The following PACRG variants were observed in gnomAD, a reference collection of about 807,000 sequenced individuals.
The protein encoded by PACRG is parkin coregulated gene protein.
PACRG carries 29 observed loss-of-function variants against 29.7 expected under a neutral mutation model. That is an observed-to-expected ratio of 0.98 (90% CI 0.73 to 1.33). The LOEUF (loss-of-function observed/expected upper bound fraction) is 1.33. Among genes scored for constraint, PACRG ranks in the 40% most tolerant of loss-of-function variants. The probability of loss-of-function intolerance (pLI) is 0.00; values close to 1 mark genes in which losing one functional copy is unlikely to be tolerated. For synonymous variants in PACRG, 116 were observed against 118.7 expected (o/e 0.98, Z 0.15); for missense variants, 279 against 316.2 (o/e 0.88, Z 0.89).
At chr6:163,231,887 A>T (rs1284298343) in intron 4 of PACRG, among the ~76,000 whole-genome samples, 3 of 152,224 alleles carry the variant, frequency 2.0e-5, no homozygotes, top group African/African-American at 7.2e-5. Flanking sequence ...CTGAGCACGC[A>T]GTTACTGTAG....
chr6:162,948,552 C>T (rs915541194), intron 2 of PACRG, among the ~76,000 whole-genome samples: 1 of 152,060 alleles, frequency 6.6e-6, no homozygotes, highest in Non-Finnish European at 1.5e-5. Flanking sequence ...CTATATCAAA[C>T]TAAAACCTTC....
chr6:163,086,510 C>T (rs763117627), intron 3 of PACRG, among the ~76,000 whole-genome samples: 7 of 152,082 alleles, frequency 4.6e-5, no homozygotes, highest in Non-Finnish European at 7.4e-5. Context: ...AAGGCTGAGC[C>T]GTCTCTTTTC....
At chr6:163,145,683 A>C (rs2128336233) in intron 4 of PACRG, among the ~76,000 whole-genome samples, 1 of 152,372 alleles carries the variant, frequency 6.6e-6, no homozygotes, top group East Asian at 1.9e-4. Flanking sequence ...AGAAAGCGTC[A>C]GTACCTGGAG....
intron 2 of PACRG, among the ~76,000 whole-genome samples, chr6:162,981,305 A>ATATATATTTTTTTTTTTTTT (rs925663285): frequency 1.3e-5 from 2 of 149,132 alleles, no homozygotes; most frequent in Admixed American, 6.7e-5. Context: ...ATATATATAT[A>ATATATATTTTTTTTTTTTTT]TTTACAATGG....
chr6:162,938,335 A>G (rs1798384306), intron 2 of PACRG, among the ~76,000 whole-genome samples: 2 of 152,148 alleles, frequency 1.3e-5, no homozygotes, highest in East Asian at 1.9e-4. Context: ...TGTTTTTGCA[A>G]TTGGGAATTG....
intron 4 of PACRG, chr6:163,166,151 G>C (rs1332725179): frequency 6.6e-6 from 3 of 456,220 alleles, no homozygotes; most frequent in Non-Finnish European, 1.3e-5. Context: ...GCTTGCGCCC[G>C]GCACATGTGA....
intron 2 of PACRG, among the ~76,000 whole-genome samples, chr6:162,952,130 ATCT>A (rs1323571674): frequency 1.3e-5 from 2 of 152,200 alleles, no homozygotes; most frequent in Non-Finnish European, 2.9e-5. Context: ...AGAGAGACTC[ATCT>A]TCTAGTAAAT....
At chr6:162,885,189 C>T (rs1794225462) in intron 2 of PACRG, among the ~76,000 whole-genome samples, 1 of 151,114 alleles carries the variant, frequency 6.6e-6, no homozygotes, top group Non-Finnish European at 1.5e-5. Context: ...ATGAAGAAAA[C>T]ATGGTTTCCT....
intron 2 of PACRG, among the ~76,000 whole-genome samples, chr6:162,873,897 C>T (rs1793038214): frequency 6.6e-6 from 1 of 152,078 alleles, no homozygotes; most frequent in Non-Finnish European, 1.5e-5. Context: ...CAAATAACTG[C>T]GCATTCACTC....
chr6:163,287,562 C>T (rs868716947), intron 4 of PACRG, among the ~76,000 whole-genome samples: 1 of 152,206 alleles, frequency 6.6e-6, no homozygotes, highest in African/African-American at 2.4e-5. Context: ...GCATTTCTTA[C>T]ATGTTTCTTT....
intron 1 of PACRG, among the ~76,000 whole-genome samples, chr6:162,779,054 T>C (rs752304090): frequency 1.3e-5 from 2 of 152,062 alleles, no homozygotes; most frequent in Non-Finnish European, 2.9e-5. Context: ...ACAGGCCCAA[T>C]TGTATGTTGT....
At chr6:163,274,740 G>GAA (rs1783963888) in intron 4 of PACRG, among the ~76,000 whole-genome samples, 1 of 151,924 alleles carries the variant, frequency 6.6e-6, no homozygotes, top group African/African-American at 2.4e-5. Context: ...TTTTCTATTC[G>GAA]TTCTATAATT....
At chr6:163,031,627 A>G (rs1180959855) in intron 2 of PACRG, among the ~76,000 whole-genome samples, 1 of 152,240 alleles carries the variant, frequency 6.6e-6, no homozygotes, top group Non-Finnish European at 1.5e-5. Flanking sequence ...ATAAAGTACA[A>G]CAAGGAAAAT....
intron 2 of PACRG, among the ~76,000 whole-genome samples, chr6:163,049,731 C>A (rs1809796042): frequency 6.6e-6 from 1 of 151,920 alleles, no homozygotes; most frequent in African/African-American, 2.4e-5. Flanking sequence ...ATAAAACAAC[C>A]CTGAAATACC....
intron 2 of PACRG, among the ~76,000 whole-genome samples, chr6:163,022,518 G>A (rs1806732311): frequency 2.0e-5 from 3 of 152,158 alleles, no homozygotes; most frequent in Admixed American, 2.0e-4. Flanking sequence ...GTGAGGAACT[G>A]GAGTTCTGAC....
chr6:162,935,818 G>A (rs531644310), intron 2 of PACRG, among the ~76,000 whole-genome samples: 1 of 152,238 alleles, frequency 6.6e-6, no homozygotes, highest in Non-Finnish European at 1.5e-5. Flanking sequence ...TTGCAAGATA[G>A]TATAACTTAA....
At chr6:163,119,674 T>A (rs865954290) in intron 4 of PACRG, among the ~76,000 whole-genome samples, 1 of 152,208 alleles carries the variant, frequency 6.6e-6, no homozygotes, top group Non-Finnish European at 1.5e-5. Context: ...GAATCTTGTA[T>A]TGAGTTGTTG....
chr6:163,131,658 C>T (rs1320540620), intron 4 of PACRG, among the ~76,000 whole-genome samples: 2 of 88,974 alleles, frequency 2.2e-5, no homozygotes, highest in African/African-American at 5.6e-5. Context: ...ACTAACATGG[C>T]AGCTGTTGAA....
At chr6:163,105,151 T>C (rs1227254492) in intron 4 of PACRG, among the ~76,000 whole-genome samples, 1 of 152,126 alleles carries the variant, frequency 6.6e-6, no homozygotes, top group Non-Finnish European at 1.5e-5. Context: ...TCATTGCAAA[T>C]AAAACCTTTC....
Sources: allele counts gnomAD v4.1 joint callset (sites outside exome capture counted in the v4.1 genomes callset), GRCh38; gene constraint gnomAD v4.1.1; transcripts MANE v1.5; gene names NCBI Gene and HGNC (gene_info 2026-07-23, HGNC 2026-07-21).